The following SSX1 variants were observed in gnomAD, a reference collection of about 807,000 sequenced individuals.
The protein encoded by SSX1 is SSX family member 1, also known as protein SSX1.
A neutral mutation model predicts 14.6 loss-of-function variants in SSX1; 58 were observed. That is an observed-to-expected ratio of 3.96 (90% CI 3.21 to 4.93). SSX1 has a LOEUF of 4.93. Among genes scored for constraint, SSX1 ranks in the 30% most tolerant of loss-of-function variants. The probability of loss-of-function intolerance (pLI) is 0.00; values close to 1 mark genes in which losing one functional copy is unlikely to be tolerated. For synonymous variants in SSX1, 46 were observed against 52.1 expected (o/e 0.88, Z 0.50); for missense variants, 272 against 143.1 (o/e 1.90, Z -4.60).
intron 5 of SSX1, among the ~76,000 whole-genome samples, chrX:48,262,423 A>G (rs782724657): frequency 1.8e-5 from 2 of 112,072 alleles, no homozygotes; most frequent in African/African-American, 6.5e-5. Context: ...CATAGGGCCT[A>G]CTGGTGCTTC....
chrX:48,260,495 G>T (rs1265068619), intron 4 of SSX1, among the ~76,000 whole-genome samples: 3 of 111,507 alleles, frequency 2.7e-5, no homozygotes, highest in African/African-American at 9.8e-5. Flanking sequence ...TGTTGCCATT[G>T]CTTTTGGTGT....
chrX:48,263,029 G>A (rs2059610287), intron 5 of SSX1, among the ~76,000 whole-genome samples: 2 of 110,397 alleles, frequency 1.8e-5, no homozygotes, highest in Non-Finnish European at 3.8e-5. Context: ...AGCTACTCAG[G>A]AGGCTGAGAC....
In SSX1 at chrX:48,267,115, T is replaced by C. The variant is rs781949794; in HGVS notation, c.*266T>C. On this transcript the variant is annotated 3_prime_UTR_variant, in exon 8 of 8. Coordinates refer to ENST00000376919, the MANE Select transcript of SSX1 (RefSeq NM_005635.4). ...AAGACATACTGAATGCATATTTCGG[T>C]TTGTGTATCCATGCACCTACGTCAG... is the stretch of plus-strand genomic sequence containing the variant. 185 of 401,722 alleles carry C rather than the reference T, an allele frequency of 4.6e-4. No homozygotes were observed. Among genetic ancestry groups the C allele is most frequent in the Non-Finnish European group, 7.1e-4 (162 of 227,343 alleles). 33.1% of individuals were successfully genotyped at this position (401,722 alleles called of 1,213,427 possible). A position where few individuals can be genotyped will look rare whatever the true frequency, so the allele number is the denominator to read the frequency against.
chrX:48,263,797 C>G lies in SSX1; in HGVS notation c.346C>G (p.Pro116Ala), dbSNP rs1490819865. ...CATTATAAAGATCATGCCCAAGAAGCCAGCAGAGGACGAAAATGATTCGAA... is the reference window on the plus strand; with the variant it reads ...CATTATAAAGATCATGCCCAAGAAGGCAGCAGAGGACGAAAATGATTCGAA... ...RIIPKIMPKK[P>A]AEDENDSKGV... is the part of the protein sequence containing the mutation. The change falls in exon 6 of 8, where the codon CCA (proline) becomes GCA (alanine). Residue 116 changes from proline to alanine, a missense_variant. Transcript: ENST00000376919. 5.8e-6 allele frequency: 7 copies of G among 1,209,586 alleles called. No individual in the cohort carries two copies. The African/African-American group carries it at 8.8e-5, about 15-fold the overall frequency.
At chrX:48,258,943 C>T (rs1569451188) in intron 4 of SSX1, among the ~76,000 whole-genome samples, 1 of 110,909 alleles carries the variant, frequency 9.0e-6, no homozygotes, top group African/African-American at 3.3e-5. Context: ...GTGAGTGCTG[C>T]ACAGACAGCT....
At chrX:48,261,264 T>C (rs182718712) in intron 4 of SSX1, among the ~76,000 whole-genome samples, 1 of 111,999 alleles carries the variant, frequency 8.9e-6, no homozygotes, top group Non-Finnish European at 1.9e-5. Context: ...CTATAAGAGA[T>C]CTGAAACTCC....
intron 4 of SSX1, among the ~76,000 whole-genome samples, chrX:48,260,351 A>G (rs1320122868): frequency 9.0e-6 from 1 of 110,913 alleles, no homozygotes; most frequent in Non-Finnish European, 1.9e-5. Context: ...TCTGGATATT[A>G]GCCCTTTGTC....
At chrX:48,256,895 G>A (rs1330799684) in intron 1 of SSX1, among the ~76,000 whole-genome samples, 5 of 109,589 alleles carry the variant, frequency 4.6e-5, no homozygotes, top group East Asian at 2.9e-4. Flanking sequence ...ACACAGTCAC[G>A]TCCCTGCCTC....
At chrX:48,258,459 G>T (rs1167507729) in intron 3 of SSX1, 77 bp from the exon 4 acceptor site, 1 of 750,073 alleles carries the variant, frequency 1.3e-6, no homozygotes, top group Non-Finnish European at 2.1e-6. Flanking sequence ...CTCCCAAAGT[G>T]CCGGTACTAC....
In SSX1 at chrX:48,267,273, A is replaced by T. The variant is rs1310878907; in HGVS notation, c.*424A>T. 1 of 213,390 alleles carries T rather than the reference A, an allele frequency of 4.7e-6. No individual in the cohort carries two copies. The highest frequency in any genetic ancestry group is 3.3e-5 in the African/African-American group (1 of 30,261). 17.6% of individuals were successfully genotyped at this position (213,390 alleles called of 1,213,427 possible). A position where few individuals can be genotyped will look rare whatever the true frequency, so the allele number is the denominator to read the frequency against. On this transcript the variant is annotated 3_prime_UTR_variant, in exon 8 of 8. Transcript: ENST00000376919. The stretch of plus-strand genomic sequence containing the variant: ...TCTGCATTTACACACACACACACAC[A>T]CACACGCACACACACACACCAAGTA...
At chrX:48,265,753 G>T (rs1298297718) in intron 6 of SSX1, among the ~76,000 whole-genome samples, 3 of 111,302 alleles carry the variant, frequency 2.7e-5, no homozygotes, top group Non-Finnish European at 3.8e-5. Context: ...AATATCTCAC[G>T]TACCCTATAA....
At position 48,261,784 on chromosome X, in the gene SSX1, CTT is replaced by C. The variant is rs782487718; in HGVS notation, c.301_302del (p.Phe101ArgfsTer21). On this transcript the variant is annotated frameshift_variant, in exon 5 of 8. Coordinates refer to ENST00000376919, the MANE Select transcript of SSX1 (RefSeq NM_005635.4). LOFTEE classifies it high-confidence loss of function. ...CTTTCAGTTGAACATCCTCAGATGACTTTCGGCAGGCTCCACAGAATCATCCC... is the reference window on the plus strand; with the variant it reads ...CTTTCAGTTGAACATCCTCAGATGACTCGGCAGGCTCCACAGAATCATCCC... 1 of 1,211,247 alleles carries C rather than the reference CTT, an allele frequency of 8.3e-7. No homozygotes were observed. Among genetic ancestry groups the C allele is most frequent in the Admixed American group, 2.2e-5 (1 of 45,996 alleles).
Position 48,258,524 on chromosome X carries a change from GCTT to G in SSX1, c.185-8_185-6del, listed in dbSNP as rs1292696407. On this transcript the variant is annotated splice_polypyrimidine_tract_variant and intron_variant, in intron 3 of 7. Coordinates refer to ENST00000376919, the MANE Select transcript of SSX1 (RefSeq NM_005635.4). ...TTGTCCCTTAAGGAATAAACATTTT[GCTT>G]CTTTCTAGGTTTCAAAGTCACCCTC... 5.9e-6 allele frequency: 7 copies of G among 1,178,856 alleles called. No individual in the cohort carries two copies. In the African/African-American group the frequency reaches 1.3e-4, roughly 21 times the overall value.
At chrX:48,263,030 A>C (rs1470477218) in intron 5 of SSX1, among the ~76,000 whole-genome samples, 1 of 110,298 alleles carries the variant, frequency 9.1e-6, no homozygotes, top group Non-Finnish European at 1.9e-5. Flanking sequence ...GCTACTCAGG[A>C]GGCTGAGACA....
In SSX1 at chrX:48,261,749, G is replaced by T; in HGVS notation, c.281-17G>T. 1 of 1,210,085 alleles carries T rather than the reference G, an allele frequency of 8.3e-7. No individual in the cohort carries two copies. The highest frequency in any genetic ancestry group is 1.1e-6 in the Non-Finnish European group (1 of 894,257). On this transcript the variant is annotated splice_polypyrimidine_tract_variant and intron_variant, in intron 4 of 7. Coordinates refer to ENST00000376919, the MANE Select transcript of SSX1 (RefSeq NM_005635.4). ...ATCTTTACCAACAAAGAAAAATTCT[G>T]ATGTGTTCTCTTTCAGTTGAACATC...
intron 3 of SSX1, 60 bp from the exon 4 acceptor site, chrX:48,258,476 G>A: frequency 1.1e-6 from 1 of 917,586 alleles, no homozygotes; most frequent in Non-Finnish European, 1.6e-6. Context: ...CTACAGACAT[G>A]AGCCACCATG....
chrX:48,263,709 G>C (rs1242973929), intron 5 of SSX1, 73 bp from the exon 6 acceptor site: 2 of 1,168,336 alleles, frequency 1.7e-6, no homozygotes, highest in African/African-American at 3.6e-5. Flanking sequence ...TGCATGTGAA[G>C]ACGCTTTGTA....
chrX:48,266,488 C>G (rs1335869372), intron 7 of SSX1, 97 bp downstream of exon 7: 1 of 1,179,967 alleles, frequency 8.5e-7, no homozygotes, highest in Non-Finnish European at 1.1e-6. Context: ...CCAAATCATT[C>G]CTTTCTCATA....
chrX:48,259,096 A>G (rs1601946570), intron 4 of SSX1, among the ~76,000 whole-genome samples: 1 of 111,461 alleles, frequency 9.0e-6, no homozygotes, highest in African/African-American at 3.3e-5. Flanking sequence ...TCCCGGGTTC[A>G]AACGATTCTC....
Sources: allele counts gnomAD v4.1 joint callset (sites outside exome capture counted in the v4.1 genomes callset), GRCh38; gene constraint gnomAD v4.1.1; transcripts MANE v1.5; gene names NCBI Gene and HGNC (gene_info 2026-07-23, HGNC 2026-07-21).